RREB1: variants seen among roughly 807,000 people sequenced by gnomAD.
RREB1 encodes the protein ras responsive element binding protein 1, also known as ras-responsive element-binding protein 1.
Under a neutral mutation model 117.8 loss-of-function variants are expected in RREB1, and 27 were observed. The ratio of observed to expected loss-of-function variants is 0.23; its 90% CI spans 0.17 to 0.32. RREB1 has a LOEUF of 0.32. Among genes scored for constraint, RREB1 ranks in the 10% least tolerant of loss-of-function variants. The pLI is 1.00. For missense variants in RREB1, 2,577 were observed against 2,378.2 expected, an observed-to-expected ratio of 1.08 and a Z score of -1.74; for synonymous variants, 1,298 against 1,026.7, an observed-to-expected ratio of 1.26 and a Z score of -5.05.
At chr6:7,200,226 A>G (rs999473833) in intron 6 of RREB1, among the ~76,000 whole-genome samples, 4 of 146,470 alleles carry the variant, frequency 2.7e-5, no homozygotes, top group African/African-American at 1.0e-4. Flanking sequence ...GTGTATATAT[A>G]TATATGTATG....
chr6:7,163,718 G>T (rs1257669853), intron 1 of RREB1, among the ~76,000 whole-genome samples: 1 of 152,200 alleles, frequency 6.6e-6, no homozygotes, highest in Non-Finnish European at 1.5e-5. Context: ...TTGTGGGGCT[G>T]GCAGAGCATG....
chr6:7,246,133 A>G (rs1769001096), intron 11 of RREB1, among the ~76,000 whole-genome samples: 1 of 152,080 alleles, frequency 6.6e-6, no homozygotes, highest in African/African-American at 2.4e-5. Flanking sequence ...TGAGTCACTC[A>G]CACCTTCCTG....
intron 1 of RREB1, among the ~76,000 whole-genome samples, chr6:7,120,261 GACA>G (rs1761617351): frequency 6.6e-6 from 1 of 151,988 alleles, no homozygotes; most frequent in Non-Finnish European, 1.5e-5. Flanking sequence ...GACTGGCCTG[GACA>G]ACAAGGTAAA....
In RREB1 at chr6:7,230,328, G is replaced by A. The variant is rs149393874; in HGVS notation, c.2229G>A (p.Glu743=). The A allele has an allele frequency of 4.2e-3, 6,692 of 1,589,062 alleles. 22 individuals are homozygous for A. Among genetic ancestry groups the A allele is most frequent in the Non-Finnish European group, 5.3e-3 (6,183 of 1,172,674 alleles). The change falls in exon 10 of 13, where the codon GAG becomes GAA. Residue 743 remains glutamate, a synonymous_variant. Coordinates refer to ENST00000379938, the MANE Select transcript of RREB1 (RefSeq NM_001003699.4). ...AGTATGTGAGTAGCAGCGCGGCCGA[G>A]CTGGTGGACGCCTTCTGCGCCCCGG... ...NIEYVSSSAA[E]LVDAFCAPDT... is the part of the protein sequence containing the mutation.
At chr6:7,129,595 C>T (rs1762070485) in intron 1 of RREB1, among the ~76,000 whole-genome samples, 1 of 152,228 alleles carries the variant, frequency 6.6e-6, no homozygotes, top group South Asian at 2.1e-4. Context: ...CCTAAAGCCA[C>T]TGCAGTGATG....
At chr6:7,156,864 G>A (rs1332078487) in intron 1 of RREB1, among the ~76,000 whole-genome samples, 2 of 152,230 alleles carry the variant, frequency 1.3e-5, no homozygotes, top group Non-Finnish European at 2.9e-5. Context: ...GGGTTCCAGA[G>A]TGCCACTTGG....
At position 7,211,608 on chromosome 6, in the gene RREB1, G is replaced by C; in HGVS notation, c.606G>C (p.Lys202Asn). The C allele has an allele frequency of 6.2e-7, 1 of 1,614,094 alleles. No individual in the cohort carries two copies. The highest frequency in any genetic ancestry group is 1.7e-5 in the Admixed American group (1 of 60,018). The change falls in exon 8 of 13, where the codon AAG becomes AAC. Residue 202 changes from lysine to asparagine, a missense_variant. Lys to Asn is a moderately conservative substitution (Grantham distance 94, BLOSUM62 0). Transcript: ENST00000379938. Reference sequence around the variant, plus strand: ...ACGGGCAGTCAGGTGACTTGGAGAAGAAAGCTGATGAAGTCTTTCACTGCC... The same window carrying C: ...ACGGGCAGTCAGGTGACTTGGAGAACAAAGCTGATGAAGTCTTTCACTGCC... ...VEDGQSGDLE[K>N]KADEVFHCPV...
chr6:7,137,270 G>T (rs534388276), intron 1 of RREB1, among the ~76,000 whole-genome samples: 1 of 152,292 alleles, frequency 6.6e-6, no homozygotes, highest in Non-Finnish European at 1.5e-5. Flanking sequence ...TCCCCCCTGA[G>T]CCCCCAGGGA....
chr6:7,202,903 C>A (rs1318541044), intron 6 of RREB1, among the ~76,000 whole-genome samples: 1 of 152,072 alleles, frequency 6.6e-6, no homozygotes, highest in Non-Finnish European at 1.5e-5. Flanking sequence ...CTTCTGAGGT[C>A]TTTTGTTTGT....
intron 10 of RREB1, among the ~76,000 whole-genome samples, chr6:7,232,897 G>A (rs1047157811): frequency 4.6e-5 from 7 of 150,850 alleles, no homozygotes; most frequent in African/African-American, 1.7e-4. Flanking sequence ...GGCCCCAAAA[G>A]TATTTTTCTT....
At chr6:7,121,929 C>T (rs1352802271) in intron 1 of RREB1, among the ~76,000 whole-genome samples, 2 of 152,212 alleles carry the variant, frequency 1.3e-5, no homozygotes, top group South Asian at 2.1e-4. Flanking sequence ...TCAGGGTGTG[C>T]TCCGGCCACT....
At chr6:7,219,972 G>A (rs1581556806) in intron 8 of RREB1, among the ~76,000 whole-genome samples, 1 of 152,214 alleles carries the variant, frequency 6.6e-6, no homozygotes. Context: ...GCAGGCAGCT[G>A]CTTCACCTCT....
intron 8 of RREB1, among the ~76,000 whole-genome samples, chr6:7,224,036 AT>A (rs11400428): frequency 6.0e-5 from 9 of 150,766 alleles, no homozygotes; most frequent in Admixed American, 6.6e-5. Context: ...TGGACAGAAT[AT>A]TTTTTTTTTA....
At position 7,210,764 on chromosome 6, in the gene RREB1, C is replaced by A. The variant is rs572487945; in HGVS notation, c.426-40C>A. The A allele has an allele frequency of 2.6e-6, 4 of 1,553,138 alleles. No individual in the cohort carries two copies. The African/African-American group carries it at 4.1e-5, about 16-fold the overall frequency. On this transcript the variant is annotated intron_variant, in intron 6 of 12. Transcript: ENST00000379938. The stretch of plus-strand genomic sequence containing the variant: ...ATTAAAAACATAAATGAACTGACTT[C>A]TTTGTTAGATCACATTGTGTGTGTG...
At chr6:7,173,783 G>GA (rs1232579440) in intron 1 of RREB1, among the ~76,000 whole-genome samples, 127 of 139,648 alleles carry the variant, frequency 9.1e-4, no homozygotes, top group South Asian at 2.3e-3. Context: ...CTTGGCGACA[G>GA]AAAAAAAAAA....
chr6:7,211,824 A>G, intron 8 of RREB1, 115 bp downstream of exon 8: 1 of 1,092,472 alleles, frequency 9.2e-7, no homozygotes, highest in Non-Finnish European at 1.3e-6. Flanking sequence ...GGGCACAACA[A>G]CATTAGGGAG....
At chr6:7,165,457 T>C (rs1763886448) in intron 1 of RREB1, among the ~76,000 whole-genome samples, 1 of 152,118 alleles carries the variant, frequency 6.6e-6, no homozygotes, top group Non-Finnish European at 1.5e-5. Flanking sequence ...ATCACAAGCG[T>C]GTTGAAGAAT....
intron 1 of RREB1, among the ~76,000 whole-genome samples, chr6:7,123,610 C>CTTTTTTTT (rs5874079): frequency 7.4e-4 from 91 of 122,850 alleles, no homozygotes; most frequent in Non-Finnish European, 1.2e-3. Flanking sequence ...TGTGATGTGT[C>CTTTTTTTT]TTTTTTTTTT....
intron 8 of RREB1, among the ~76,000 whole-genome samples, chr6:7,222,298 A>C (rs1180770135): frequency 6.6e-6 from 1 of 152,086 alleles, no homozygotes. Context: ...GTGATCTAGG[A>C]GTCTGCTTTT....
Sources: allele counts gnomAD v4.1 joint callset (sites outside exome capture counted in the v4.1 genomes callset), GRCh38; gene constraint gnomAD v4.1.1; transcripts MANE v1.5; gene names NCBI Gene and HGNC (gene_info 2026-07-23, HGNC 2026-07-21).